LEF1: variants seen among roughly 807,000 people sequenced by gnomAD.
LEF1 encodes the protein lymphoid enhancer-binding factor 1.
LEF1 carries 14 observed loss-of-function variants against 51.2 expected under a neutral mutation model. The observed-to-expected ratio is 0.27, with a 90% confidence interval of 0.18 to 0.43. The LOEUF (loss-of-function observed/expected upper bound fraction) is 0.43, where lower values mean the gene tolerates loss of function less well. Among genes scored for constraint, LEF1 ranks in the 20% least tolerant of loss-of-function variants. LEF1 has a pLI of 1.00. For synonymous variants in LEF1, 185 were observed against 183.2 expected, an observed-to-expected ratio of 1.01 and a Z score of -0.08; for missense variants, 386 against 512.0, an observed-to-expected ratio of 0.75 and a Z score of 2.37.
intron 3 of LEF1, among the ~76,000 whole-genome samples, chr4:108,106,626 C>G (rs1387787270): frequency 2.0e-5 from 3 of 152,124 alleles, no homozygotes; most frequent in Admixed American, 6.5e-5. Context: ...TGTATGAGGT[C>G]ATCGGGCTGC....
intron 5 of LEF1, among the ~76,000 whole-genome samples, chr4:108,082,015 T>G (rs1407825755): frequency 1.3e-5 from 2 of 152,204 alleles, no homozygotes; most frequent in Non-Finnish European, 2.9e-5. Flanking sequence ...TAGTGAAATA[T>G]TCCCTTCAGA....
At chr4:108,089,800 ATGTTGT>A (rs1739892205) in intron 3 of LEF1, among the ~76,000 whole-genome samples, 1 of 152,218 alleles carries the variant, frequency 6.6e-6, no homozygotes, top group African/African-American at 2.4e-5. Context: ...TCATAACTCT[ATGTTGT>A]ACATCTTTAA....
chr4:108,091,184 C>T (rs1268554048), intron 3 of LEF1, among the ~76,000 whole-genome samples: 1 of 152,008 alleles, frequency 6.6e-6, no homozygotes, highest in Non-Finnish European at 1.5e-5. Context: ...TAAAACTGCA[C>T]AATGTGAACT....
intron 10 of LEF1, 125 bp downstream of exon 10, chr4:108,064,211 A>G (rs1737897522): frequency 1.7e-6 from 1 of 591,160 alleles, no homozygotes; most frequent in Non-Finnish European, 3.0e-6. Context: ...TCAGGAAGAA[A>G]AAGCAGAGTT....
At position 108,099,573 on chromosome 4, in the gene LEF1, T is replaced by C. The variant is rs1203160634; in HGVS notation, c.415-10316A>G. On this transcript the variant is annotated intron_variant, in intron 3 of 11. Coordinates refer to ENST00000265165, the MANE Select transcript of LEF1 (RefSeq NM_016269.5). ...GTGTGTGTATGTGTGTGTGTGTGTATATATATATATATATATATATATATA... is the reference window on the plus strand; with the variant it reads ...GTGTGTGTATGTGTGTGTGTGTGTACATATATATATATATATATATATATA... Among the ~76,000 whole-genome samples the C allele has an allele frequency of 9.6e-3, 203 of 21,212 alleles. 19 individuals carry two copies. Among genetic ancestry groups the C allele is most frequent in the African/African-American group, 0.081 (190 of 2,354 alleles). The allele number at this position is 21,212 out of a possible 152,430, so 13.9% of individuals were successfully genotyped here.
intron 10 of LEF1, 22 bp downstream of exon 10, chr4:108,064,314 T>C (rs749697947): frequency 6.3e-7 from 1 of 1,588,842 alleles, no homozygotes; most frequent in South Asian, 1.1e-5. Context: ...GAGGATTGAC[T>C]GGAAAGTCTC....
chr4:108,162,603 CA>C (rs1222626738), intron 3 of LEF1, among the ~76,000 whole-genome samples: 7 of 152,108 alleles, frequency 4.6e-5, no homozygotes, highest in African/African-American at 1.7e-4. Flanking sequence ...TTCCATTTTA[CA>C]ATCTGAGATT....
chr4:108,101,327 G>A (rs1305017930), intron 3 of LEF1, among the ~76,000 whole-genome samples: 1 of 152,136 alleles, frequency 6.6e-6, no homozygotes, highest in African/African-American at 2.4e-5. Context: ...CAGTTGTCCA[G>A]GCCAAATGCA....
intron 11 of LEF1, among the ~76,000 whole-genome samples, chr4:108,049,350 G>A (rs1036589181): frequency 5.9e-5 from 9 of 151,978 alleles, no homozygotes; most frequent in African/African-American, 1.7e-4. Context: ...TGATAGCCTC[G>A]GAAAGGACAC....
chr4:108,108,770 TA>T (rs949632229), intron 3 of LEF1, among the ~76,000 whole-genome samples: 3 of 152,134 alleles, frequency 2.0e-5, no homozygotes, highest in African/African-American at 2.4e-5. Context: ...AATATTAGGA[TA>T]AAAAATAAAC....
intron 3 of LEF1, among the ~76,000 whole-genome samples, chr4:108,093,955 G>C (rs1469596471): frequency 6.6e-6 from 1 of 152,140 alleles, no homozygotes; most frequent in Non-Finnish European, 1.5e-5. Flanking sequence ...CTTTGAGGCA[G>C]GTACTATTAT....
chr4:108,133,271 GACCACACTTTGAAA>G (rs372268593), intron 3 of LEF1, among the ~76,000 whole-genome samples: 1 of 152,164 alleles, frequency 6.6e-6, no homozygotes, highest in African/African-American at 2.4e-5. Flanking sequence ...CTGATCTGGA[GACCACACTTTGAAA>G]ACCACTGGGT....
chr4:108,102,088 G>A (rs1280725417), intron 3 of LEF1, among the ~76,000 whole-genome samples: 3 of 151,298 alleles, frequency 2.0e-5, no homozygotes, highest in East Asian at 3.9e-4. Context: ...AAGAAAGGAC[G>A]GACTTATTTA....
intron 3 of LEF1, among the ~76,000 whole-genome samples, chr4:108,156,820 A>T (rs2110407861): frequency 6.6e-6 from 1 of 151,578 alleles, no homozygotes; most frequent in South Asian, 2.1e-4. Context: ...GTGGACATAG[A>T]GTGTCAAACG....
chr4:108,104,664 C>A (rs995239216), intron 3 of LEF1: 107 of 983,844 alleles, frequency 1.1e-4, no homozygotes, highest in Non-Finnish European at 1.1e-4. Flanking sequence ...CCCAAACTAT[C>A]GTATGAAGGA....
intron 3 of LEF1, among the ~76,000 whole-genome samples, chr4:108,118,746 C>G (rs533197670): frequency 9.9e-4 from 151 of 152,248 alleles, no homozygotes; most frequent in African/African-American, 3.4e-3. Flanking sequence ...CTGCAGCCTG[C>G]TCGAGTAGGT....
intron 4 of LEF1, 73 bp from the exon 5 acceptor site, chr4:108,083,519 TATACC>T (rs1205648838): frequency 4.4e-6 from 4 of 910,350 alleles, no homozygotes; most frequent in Non-Finnish European, 6.9e-6. Context: ...CTACATGTTT[TATACC>T]ATTCATACTT....
chr4:108,117,085 C>A (rs148587468), intron 3 of LEF1, among the ~76,000 whole-genome samples: 8 of 152,268 alleles, frequency 5.3e-5, no homozygotes, highest in Non-Finnish European at 8.8e-5. Flanking sequence ...AATTAAGGTT[C>A]TTTCTTTGAT....
rs1745538627 is a variant in LEF1 at position 108,168,165 on chromosome 4, G to A, written c.-398C>T. ...CGCGCGGAGAACGCCGGTTCTGGAG[G>A]GAGCACGCCTCCCCAAAGTGCAGAG... On this transcript the variant is annotated 5_prime_UTR_variant, in exon 1 of 12. Transcript: ENST00000265165. This position sits in a 1 kb window ranked among gnomAD's most constrained non-coding sequence, Gnocchi z 4.6. 1 of 152,312 alleles carries A rather than the reference G, an allele frequency of 6.6e-6. No homozygotes were observed. Among genetic ancestry groups the A allele is most frequent in the South Asian group, 2.1e-4 (1 of 4,834 alleles). 9.4% of individuals were successfully genotyped at this position (152,312 alleles called of 1,614,324 possible). A position where few individuals can be genotyped will look rare whatever the true frequency, so the allele number is the denominator to read the frequency against.
Sources: allele counts gnomAD v4.1 joint callset (sites outside exome capture counted in the v4.1 genomes callset), GRCh38; gene constraint gnomAD v4.1.1; non-coding constraint Gnocchi (gnomAD v3.1); transcripts MANE v1.5; gene names NCBI Gene and HGNC (gene_info 2026-07-23, HGNC 2026-07-21).